KCND3: variants seen among roughly 807,000 people sequenced by gnomAD.
KCND3 encodes potassium voltage-gated channel subfamily D member 3.
KCND3 carries 9 observed loss-of-function variants against 51.1 expected under a neutral mutation model. The observed-to-expected ratio is 0.18, with a 90% CI of 0.11 to 0.31. The LOEUF is 0.31. KCND3 is among the 10% of genes least tolerant of loss of function. KCND3 has a pLI of 1.00. For synonymous variants in KCND3, 349 were observed against 368.0 expected, an observed-to-expected ratio of 0.95 and a Z score of 0.59; for missense variants, 526 against 903.8, an observed-to-expected ratio of 0.58 and a Z score of 5.36.
chr1:111,779,096 G>A (rs544739676), intron 5 of KCND3, among the ~76,000 whole-genome samples: 2 of 152,272 alleles, frequency 1.3e-5, no homozygotes, highest in East Asian at 1.9e-4. Context: ...AGGGTTTGCA[G>A]AGCACCTTCC....
intron 1 of KCND3, among the ~76,000 whole-genome samples, chr1:111,984,656 C>A (rs1041723310): frequency 2.0e-5 from 3 of 152,202 alleles, no homozygotes; most frequent in Admixed American, 1.3e-4. Flanking sequence ...CTTGGCCTGG[C>A]ATTCCAGAAT....
intron 3 of KCND3, among the ~76,000 whole-genome samples, chr1:111,782,785 G>C (rs1049838801): frequency 1.3e-5 from 2 of 151,960 alleles, no homozygotes; most frequent in South Asian, 4.1e-4. Context: ...ATCTTACCCT[G>C]GGCTCTATTA....
At chr1:111,888,544 C>T (rs864209) in intron 2 of KCND3, among the ~76,000 whole-genome samples, 16 of 151,558 alleles carry the variant, frequency 1.1e-4, no homozygotes, top group Non-Finnish European at 1.0e-4. Flanking sequence ...TAGCAGGGCA[C>T]GGTGGTGGGC....
intron 2 of KCND3, among the ~76,000 whole-genome samples, chr1:111,946,101 G>A (rs1046699488): frequency 6.6e-6 from 1 of 152,230 alleles, no homozygotes; most frequent in Non-Finnish European, 1.5e-5. Flanking sequence ...TTGATAAATG[G>A]TAGCTGTTAT....
intron 2 of KCND3, among the ~76,000 whole-genome samples, chr1:111,953,525 C>T (rs1251322224): frequency 6.6e-6 from 1 of 152,130 alleles, no homozygotes; most frequent in Non-Finnish European, 1.5e-5. Context: ...TTCTTGTGAA[C>T]CTGGTTTGGA....
At chr1:111,784,319 A>G (rs1308661562) in intron 3 of KCND3, among the ~76,000 whole-genome samples, 3 of 152,184 alleles carry the variant, frequency 2.0e-5, no homozygotes, top group Non-Finnish European at 2.9e-5. Flanking sequence ...GTGAGCATCT[A>G]TAATTATCTC....
At position 111,981,409 on chromosome 1, in the gene KCND3, C is replaced by T. The variant is rs1674939641; in HGVS notation, c.1106+212G>A. Among the ~76,000 whole-genome samples, 1 of 152,142 alleles carries T rather than the reference C, an allele frequency of 6.6e-6. No homozygotes were observed. Among genetic ancestry groups the T allele is most frequent in the Non-Finnish European group, 1.5e-5 (1 of 68,024 alleles). On this transcript the variant is annotated intron_variant, in intron 2 of 7. Coordinates refer to ENST00000302127, the MANE Select transcript of KCND3 (RefSeq NM_001378969.1). This position sits in a 1 kb window ranked among gnomAD's most constrained non-coding sequence, Gnocchi z 6.2. ...AGCTCTATAAAACACATGCCCCGACCTCAAAAAGAAAACTCAATTCCCAGC... is the reference window on the plus strand; with the variant it reads ...AGCTCTATAAAACACATGCCCCGACTTCAAAAAGAAAACTCAATTCCCAGC...
At chr1:111,808,143 G>A (rs1027608585) in intron 2 of KCND3, among the ~76,000 whole-genome samples, 5 of 152,190 alleles carry the variant, frequency 3.3e-5, no homozygotes, top group Non-Finnish European at 7.3e-5. Flanking sequence ...AAACAAACAG[G>A]AAAGTCCATG....
At chr1:111,786,094 C>A (rs1054418500) in intron 3 of KCND3, among the ~76,000 whole-genome samples, 7 of 152,190 alleles carry the variant, frequency 4.6e-5, no homozygotes, top group Admixed American at 4.6e-4. Context: ...ATGAAAAACA[C>A]CGCTTTCCCA....
intron 2 of KCND3, among the ~76,000 whole-genome samples, chr1:111,806,258 T>C (rs915238985): frequency 6.6e-6 from 1 of 152,248 alleles, no homozygotes; most frequent in Non-Finnish European, 1.5e-5. Flanking sequence ...TGGCCTGCTG[T>C]TTCCCCTGGG....
chr1:111,797,170 C>T (rs760838780), intron 2 of KCND3, among the ~76,000 whole-genome samples: 1 of 152,198 alleles, frequency 6.6e-6, no homozygotes, highest in Non-Finnish European at 1.5e-5. Flanking sequence ...TTCTAAGTTC[C>T]TAGGCATCAC....
intron 2 of KCND3, among the ~76,000 whole-genome samples, chr1:111,793,606 A>C (rs1035379016): frequency 6.6e-6 from 1 of 152,234 alleles, no homozygotes; most frequent in Non-Finnish European, 1.5e-5. Flanking sequence ...CTACATGCCT[A>C]TTACACAGTA....
At chr1:111,955,137 C>A (rs755239174) in intron 2 of KCND3, among the ~76,000 whole-genome samples, 1 of 152,206 alleles carries the variant, frequency 6.6e-6, no homozygotes, top group South Asian at 2.1e-4. Context: ...TATCCCTGCC[C>A]GGAACAGTGG....
At chr1:111,930,299 C>T (rs2101858748) in intron 2 of KCND3, among the ~76,000 whole-genome samples, 1 of 152,258 alleles carries the variant, frequency 6.6e-6, no homozygotes, top group African/African-American at 2.4e-5. Context: ...AAAAGGGGGT[C>T]TCATATACTG....
intron 2 of KCND3, among the ~76,000 whole-genome samples, chr1:111,907,037 C>T (rs1202738472): frequency 1.3e-5 from 2 of 152,224 alleles, no homozygotes; most frequent in Admixed American, 1.3e-4. Context: ...AGTGGGATGA[C>T]ATCTCTGTCC....
At chr1:111,940,667 G>GAATC (rs983078332) in intron 2 of KCND3, among the ~76,000 whole-genome samples, 17 of 152,126 alleles carry the variant, frequency 1.1e-4, no homozygotes, top group African/African-American at 3.9e-4. Context: ...ACGCAGTTTT[G>GAATC]AATCCTCTTT....
intron 2 of KCND3, among the ~76,000 whole-genome samples, chr1:111,810,441 C>T (rs1665795738): frequency 6.6e-6 from 1 of 152,198 alleles, no homozygotes; most frequent in Admixed American, 6.5e-5. Context: ...TCCAGTTTGC[C>T]CAAAGGTTGC....
intron 2 of KCND3, among the ~76,000 whole-genome samples, chr1:111,892,691 G>A (rs903902582): frequency 1.3e-5 from 2 of 152,194 alleles, no homozygotes; most frequent in Non-Finnish European, 2.9e-5. Context: ...TAATGTGATC[G>A]GATGGAGTGG....
chr1:111,844,053 G>A (rs983072677), intron 2 of KCND3, among the ~76,000 whole-genome samples: 5 of 152,140 alleles, frequency 3.3e-5, no homozygotes, highest in Admixed American at 1.3e-4. Flanking sequence ...CTTGGAGAGA[G>A]GAAGAGGTGA....
Sources: allele counts gnomAD v4.1 joint callset (sites outside exome capture counted in the v4.1 genomes callset), GRCh38; gene constraint gnomAD v4.1.1; non-coding constraint Gnocchi (gnomAD v3.1); transcripts MANE v1.5; gene names NCBI Gene and HGNC (gene_info 2026-07-23, HGNC 2026-07-21).